STIM1: variants seen among roughly 807,000 people sequenced by gnomAD.
STIM1 encodes stromal interaction molecule 1.
Under a neutral mutation model 74.7 loss-of-function variants are expected in STIM1, and 25 were observed. That is an observed-to-expected ratio of 0.33 (90% CI 0.24 to 0.47). The LOEUF (loss-of-function observed/expected upper bound fraction) is 0.47, where lower values mean the gene tolerates loss of function less well. Among genes scored for constraint, STIM1 ranks in the 20% least tolerant of loss-of-function variants. The pLI is 1.00. For synonymous variants in STIM1, 328 were observed against 348.8 expected, an observed-to-expected ratio of 0.94 and a Z score of 0.66; for missense variants, 728 against 920.8, an observed-to-expected ratio of 0.79 and a Z score of 2.71.
At chr11:4,054,097 G>A (rs998255758) in intron 3 of STIM1, among the ~76,000 whole-genome samples, 4 of 152,220 alleles carry the variant, frequency 2.6e-5, no homozygotes, top group Non-Finnish European at 5.9e-5. Context: ...AATTGCCACT[G>A]TGGCTACTGG....
intron 1 of STIM1, among the ~76,000 whole-genome samples, chr11:3,915,952 G>A (rs2092636676): frequency 6.6e-6 from 1 of 152,090 alleles, no homozygotes; most frequent in Admixed American, 6.5e-5. Flanking sequence ...CCAGCTACTT[G>A]GGAGCTGAGG....
At chr11:3,934,623 T>G (rs1173653896) in intron 1 of STIM1, among the ~76,000 whole-genome samples, 8 of 152,232 alleles carry the variant, frequency 5.3e-5, no homozygotes. Context: ...AATTGAACAA[T>G]TCAATTCATT....
chr11:4,009,477 G>A (rs2093815175), intron 2 of STIM1, among the ~76,000 whole-genome samples: 1 of 150,202 alleles, frequency 6.7e-6, no homozygotes, highest in Non-Finnish European at 1.5e-5. Flanking sequence ...GCATGATGGT[G>A]GGCGCCTGTA....
rs536818052 is a variant in STIM1, at chr11:3,918,938, A to C, written c.140-48614A>C. Among the ~76,000 whole-genome samples the C allele has an allele frequency of 2.0e-5, 3 of 152,320 alleles. No individual in the cohort carries two copies. The East Asian group carries it at 5.8e-4, about 29-fold the overall frequency. ...ATATTTAAAACTCAACAAAAGTAGA[A>C]TTCTACTTGAAGTAGATATTGCCAG... On this transcript the variant is annotated intron_variant, in intron 1 of 12. Transcript: ENST00000526596.
chr11:4,014,805 T>C (rs2135975483), intron 2 of STIM1, among the ~76,000 whole-genome samples: 1 of 152,328 alleles, frequency 6.6e-6, no homozygotes, highest in South Asian at 2.1e-4. Flanking sequence ...CATCATGTAA[T>C]GGCCTTCTTT....
chr11:3,954,502 A>T (rs2093187720), intron 1 of STIM1, among the ~76,000 whole-genome samples: 1 of 152,210 alleles, frequency 6.6e-6, no homozygotes, highest in Non-Finnish European at 1.5e-5. Flanking sequence ...ACATTGAGCA[A>T]ATTATCACAG....
intron 1 of STIM1, among the ~76,000 whole-genome samples, chr11:3,864,656 T>C (rs1250478896): frequency 6.6e-6 from 1 of 152,178 alleles, no homozygotes; most frequent in African/African-American, 2.4e-5. Flanking sequence ...ATATTGTGTT[T>C]GTTAGTAAGT....
chr11:3,969,980 C>G (rs1420933888), intron 2 of STIM1, among the ~76,000 whole-genome samples: 2 of 152,048 alleles, frequency 1.3e-5, no homozygotes, highest in African/African-American at 4.8e-5. Flanking sequence ...ATCACTGTCC[C>G]AGGGCCTGGC....
At chr11:3,998,061 C>T (rs1054347156) in intron 2 of STIM1, among the ~76,000 whole-genome samples, 35 of 152,146 alleles carry the variant, frequency 2.3e-4, no homozygotes, top group African/African-American at 6.5e-4. Context: ...TAGGATTGTA[C>T]GTTCTTTTAG....
chr11:4,024,061 G>T, intron 3 of STIM1, 74 bp downstream of exon 3: 1 of 1,247,980 alleles, frequency 8.0e-7, no homozygotes, highest in Admixed American at 1.8e-5. Context: ...CTTGGCCTTA[G>T]AAGAACATGT....
chr11:3,997,700 G>A (rs768044225), intron 2 of STIM1, among the ~76,000 whole-genome samples: 1 of 152,140 alleles, frequency 6.6e-6, no homozygotes, highest in South Asian at 2.1e-4. Context: ...AGAGTTTTAA[G>A]TAATTCATTA....
At chr11:3,991,950 C>CAAAAAAAAAAAAAAA (rs1230185435) in intron 2 of STIM1, among the ~76,000 whole-genome samples, 5 of 36,688 alleles carry the variant, frequency 1.4e-4, no homozygotes, top group African/African-American at 4.1e-4. Flanking sequence ...AACTCCATCT[C>CAAAAAAAAAAAAAAA]AAAAAAAAAA....
intron 1 of STIM1, among the ~76,000 whole-genome samples, chr11:3,945,662 A>G (rs1024562848): frequency 6.6e-6 from 1 of 151,510 alleles, no homozygotes; most frequent in Admixed American, 6.6e-5. Context: ...CCTGATTGAA[A>G]CTCTGTTAGG....
chr11:3,936,750 A>G (rs1048464206), intron 1 of STIM1, among the ~76,000 whole-genome samples: 5 of 152,162 alleles, frequency 3.3e-5, no homozygotes, highest in East Asian at 1.9e-4. Context: ...TTGAAATCCA[A>G]TCCTTTGAGG....
At chr11:3,931,157 ATTAGCTGAGGAGGTGACAT>A (rs1290472088) in intron 1 of STIM1, among the ~76,000 whole-genome samples, 1 of 152,208 alleles carries the variant, frequency 6.6e-6, no homozygotes, top group African/African-American at 2.4e-5. Flanking sequence ...AAGACCTGAC[ATTAGCTGAGGAGGTGACAT>A]TTAAGTTGGA....
At chr11:4,019,228 C>T (rs1044934297) in intron 2 of STIM1, 1 of 152,156 alleles carries the variant, frequency 6.6e-6, no homozygotes, top group East Asian at 1.9e-4. Flanking sequence ...CTTAATGACA[C>T]CTTGATTCCT....
intron 1 of STIM1, among the ~76,000 whole-genome samples, chr11:3,860,183 T>C (rs2090543796): frequency 6.6e-6 from 1 of 152,188 alleles, no homozygotes; most frequent in Non-Finnish European, 1.5e-5. Context: ...AGAGATCTAG[T>C]TAAAGCCTGA....
intron 1 of STIM1, among the ~76,000 whole-genome samples, chr11:3,952,932 A>T (rs914793405): frequency 3.3e-5 from 5 of 152,218 alleles, no homozygotes; most frequent in Non-Finnish European, 7.3e-5. Context: ...CCTGCATCAG[A>T]AGCCCATGTT....
At chr11:4,026,932 T>C (rs1360278602) in intron 3 of STIM1, among the ~76,000 whole-genome samples, 5 of 152,186 alleles carry the variant, frequency 3.3e-5, no homozygotes, top group Middle Eastern at 3.2e-3. Context: ...AGGCACATGA[T>C]TGAACTTAAT....
Sources: gnomAD v4.1 joint callset for allele counts (sites outside exome capture counted in the v4.1 genomes callset) on GRCh38, gnomAD v4.1.1 for gene constraint, MANE v1.5 for transcripts, NCBI Gene and HGNC (gene_info 2026-07-23, HGNC 2026-07-21) for gene names.